SAXO5: variants seen among roughly 807,000 people sequenced by gnomAD.
SAXO5 encodes testis expressed 45.
the SAXO5 span, among the ~76,000 whole-genome samples, chr19:7,503,548 G>A: frequency 5.7e-4 from 86 of 151,918 alleles, no homozygotes; most frequent in African/African-American, 1.6e-3. Context: ...GCAGTGGCAC[G>A]ATCTCGGCTC....
chr19:7,506,204 C>CCCCATGGAGCCCCGT, the SAXO5 span: 3 of 1,454,772 alleles, frequency 2.1e-6, no homozygotes, highest in South Asian at 4.1e-5. Context: ...TGGAGCCCCG[C>CCCCATGGAGCCCCGT]CCCGGGAAGC....
At chr19:7,506,772 C>T in the SAXO5 span, 1 of 441,684 alleles carries the variant, frequency 2.3e-6, no homozygotes, top group South Asian at 2.4e-5. Context: ...TCCCCAGCTC[C>T]TCTCTCCTCC....
the SAXO5 span, chr19:7,500,881 T>A: frequency 1.9e-6 from 3 of 1,563,126 alleles, no homozygotes; most frequent in Non-Finnish European, 2.6e-6. Context: ...CGGCTGGACT[T>A]CCTCAAGGCC....
chr19:7,498,168 CAT>C, the SAXO5 span, among the ~76,000 whole-genome samples: 30,176 of 123,450 alleles, frequency 0.24, 3,144 homozygotes, highest in South Asian at 0.29. Flanking sequence ...CACACACACA[CAT>C]ACACACACAC....
chr19:7,504,338 T>A, the SAXO5 span: 1 of 1,614,208 alleles, frequency 6.2e-7, no homozygotes, highest in Non-Finnish European at 8.5e-7. Flanking sequence ...GCTGGGAGAC[T>A]GCAAGATCAG....
At chr19:7,497,724 CT>C in the SAXO5 span, 1 of 152,176 alleles carries the variant, frequency 6.6e-6, no homozygotes, top group Non-Finnish European at 1.5e-5. Flanking sequence ...GAGGTGAAAA[CT>C]GAGGCTCATG....
At chr19:7,506,015 CAG>C in the SAXO5 span, 4 of 1,608,874 alleles carry the variant, frequency 2.5e-6, no homozygotes, top group African/African-American at 2.7e-5. Flanking sequence ...TGAGAAATTG[CAG>C]AGTCATGTGA....
At chr19:7,506,833 T>A in the SAXO5 span, 4 of 339,682 alleles carry the variant, frequency 1.2e-5, no homozygotes, top group Non-Finnish European at 2.2e-5. Flanking sequence ...AGCGCCTACC[T>A]CTTTCCCAGC....
At chr19:7,505,476 A>C in the SAXO5 span, 3 of 1,613,494 alleles carry the variant, frequency 1.9e-6, no homozygotes, top group Non-Finnish European at 2.5e-6. Context: ...CTCCCACCGC[A>C]GCCTCCCAGG....
the SAXO5 span, chr19:7,508,311 C>A: frequency 6.2e-7 from 1 of 1,614,028 alleles, no homozygotes; most frequent in Non-Finnish European, 8.5e-7. Flanking sequence ...AGCCCTGAGA[C>A]TGAAAAATCC....
At chr19:7,508,299 G>A in the SAXO5 span, 24 of 1,613,912 alleles carry the variant, frequency 1.5e-5, no homozygotes, top group Admixed American at 3.3e-4. Context: ...CCAGGGCCCA[G>A]CAGCCCTGAG....
chr19:7,505,506 G>T, the SAXO5 span: 1 of 1,613,982 alleles, frequency 6.2e-7, no homozygotes, highest in Non-Finnish European at 8.5e-7. Context: ...CACCTGTTCC[G>T]CTTCTGGCAG....
At chr19:7,499,904 G>C in the SAXO5 span, 1 of 141,000 alleles carries the variant, frequency 7.1e-6, no homozygotes, top group Non-Finnish European at 1.6e-5. Context: ...TTGAGCCCAA[G>C]AGGTTGAGCC....
the SAXO5 span, chr19:7,508,240 G>A: frequency 1.2e-6 from 2 of 1,614,012 alleles, no homozygotes; most frequent in Non-Finnish European, 1.7e-6. Flanking sequence ...CCTCTGGGTG[G>A]ACTGCGCTTC....
chr19:7,499,310 A>T, the SAXO5 span, among the ~76,000 whole-genome samples: 1,462 of 147,282 alleles, frequency 9.9e-3, 23 homozygotes, highest in African/African-American at 0.035. Context: ...AGACTCTGTC[A>T]CAAAAAGAAA....
At chr19:7,506,725 T>C in the SAXO5 span, 1 of 369,146 alleles carries the variant, frequency 2.7e-6, no homozygotes, top group Non-Finnish European at 5.1e-6. Flanking sequence ...CTCCTTCCTT[T>C]GTCCCAGCTC....
At chr19:7,497,561 A>T in the SAXO5 span, 5 of 142,688 alleles carry the variant, frequency 3.5e-5, no homozygotes, top group African/African-American at 1.2e-4. Flanking sequence ...CCACCCTTGG[A>T]TGCAGCCTGG....
At chr19:7,508,302 G>A in the SAXO5 span, 1 of 1,614,046 alleles carries the variant, frequency 6.2e-7, no homozygotes, top group South Asian at 1.1e-5. Context: ...GGGCCCAGCA[G>A]CCCTGAGACT....
the SAXO5 span, among the ~76,000 whole-genome samples, chr19:7,499,235 C>A: frequency 7.3e-5 from 11 of 151,710 alleles, no homozygotes; most frequent in Non-Finnish European, 7.4e-5. Context: ...TCAGTTGAAT[C>A]CAGGAGGTGG....
Sources: gnomAD v4.1 joint callset for allele counts (sites outside exome capture counted in the v4.1 genomes callset) on GRCh38, gnomAD v4.1.1 for gene constraint, MANE v1.5 for transcripts, NCBI Gene and HGNC (gene_info 2026-07-23, HGNC 2026-07-21) for gene names.